DUOX1: variants seen among roughly 807,000 people sequenced by gnomAD.
DUOX1 encodes the protein NADPH thyroid oxidase 1.
In DUOX1, 134 loss-of-function variants were observed where a neutral mutation model predicts 181.8. The observed-to-expected ratio is 0.74, with a 90% CI of 0.64 to 0.85. The LOEUF (loss-of-function observed/expected upper bound fraction) is 0.85, where lower values mean the gene tolerates loss of function less well. Ranked by LOEUF, DUOX1 falls within the 40% of genes least tolerant of loss-of-function variation. The probability of loss-of-function intolerance (pLI) is 0.00; values close to 1 mark genes in which losing one functional copy is unlikely to be tolerated. For missense variants in DUOX1, 1,814 were observed against 2,064.4 expected (o/e 0.88, Z 2.35); for synonymous variants, 798 against 832.5 (o/e 0.96, Z 0.71).
intron 28 of DUOX1, among the ~76,000 whole-genome samples, chr15:45,157,520 CAG>C (rs1435092647): frequency 2.6e-5 from 4 of 152,032 alleles, no homozygotes; most frequent in African/African-American, 9.7e-5. Context: ...GCAGGAAAGT[CAG>C]GGGTTCGAAA....
chr15:45,163,428 G>C (rs1348208295), intron 31 of DUOX1, 104 bp from the exon 32 acceptor site: 11 of 1,513,100 alleles, frequency 7.3e-6, no homozygotes, highest in African/African-American at 1.4e-5. Flanking sequence ...CTAGGGAAGG[G>C]CACAAGCTAG....
chr15:45,153,969 G>C lies in DUOX1; in HGVS notation c.3543G>C (p.Lys1181Asn). 3.1e-6 allele frequency: 5 copies of C among 1,613,282 alleles called. No homozygotes were observed. The highest frequency in any genetic ancestry group is 4.2e-6 in the Non-Finnish European group (5 of 1,179,382). Residue 1181 changes from lysine (K) to asparagine (N), a missense_variant, in exon 27 of 34, where the codon AAG becomes AAC. Transcript: ENST00000389037. ...FHDDGSELPQ[K>N]YYWWFFQTVP... ...CACACAGGTCTGAGCTCCCCCAGAA[G>C]TATTACTGGTGGTTCTTCCAGACCG...
chr15:45,163,990 C>T, intron 33 of DUOX1, 72 bp downstream of exon 33: 2 of 1,567,432 alleles, frequency 1.3e-6, no homozygotes, highest in Non-Finnish European at 8.7e-7. Flanking sequence ...CCAAACCTTC[C>T]CCATCGAGGA....
chr15:45,141,424 G>A lies in DUOX1; in HGVS notation c.1684+14G>A. 6.2e-7 allele frequency: 1 copy of A among 1,613,960 alleles called. No homozygotes were observed. Among genetic ancestry groups the A allele is most frequent in the Non-Finnish European group, 8.5e-7 (1 of 1,179,818 alleles). On this transcript the variant is annotated intron_variant, in intron 14 of 33. Transcript: ENST00000389037. ...TCTGGCATAAAGGTGAGTGGCCAAGGGGTGGCTGGAGGAGTGGTGGGTCTG... is the reference window on the plus strand; with the variant it reads ...TCTGGCATAAAGGTGAGTGGCCAAGAGGTGGCTGGAGGAGTGGTGGGTCTG...
rs879029084 is a variant in DUOX1 at position 45,133,897 on chromosome 15, G to A, written c.92G>A (p.Arg31Gln). 3.1e-6 allele frequency: 5 copies of A among 1,613,942 alleles called. No homozygotes were observed. The highest frequency in any genetic ancestry group is 4.2e-6 in the Non-Finnish European group (5 of 1,179,942). The part of the protein sequence containing the change: ...AQNPISWEVQ[R>Q]FDGWYNNLME... ...AACCCCATTTCGTGGGAGGTGCAGC[G>A]ATTTGATGGGTGGTACAACAACCTC... Residue 31 changes from arginine (R) to glutamine (Q), a missense_variant, in exon 3 of 34, where the codon CGA becomes CAA. Coordinates refer to ENST00000389037, the MANE Select transcript of DUOX1 (RefSeq NM_175940.3).
At chr15:45,138,708 T>A in intron 10 of DUOX1, 2 of 198,948 alleles carry the variant, frequency 1.0e-5, no homozygotes, top group Non-Finnish European at 1.0e-5. Context: ...GGAAGGAAAC[T>A]GAGTTCAGAG....
chr15:45,139,529 C>T lies in DUOX1; in HGVS notation c.1319C>T (p.Ala440Val). The T allele has an allele frequency of 6.2e-7, 1 of 1,613,148 alleles. No individual in the cohort carries two copies. The highest frequency in any genetic ancestry group is 8.5e-7 in the Non-Finnish European group (1 of 1,179,708). Residue 440 changes from alanine (A) to valine (V), a missense_variant, in exon 12 of 34, where the codon GCA becomes GTA. By Grantham distance (64) the Ala-to-Val change is moderately conservative. Around this residue, in one of 5 missense-constraint regions of DUOX1, gnomAD observed 1,064 missense variants for 1,152.9 expected, o/e 0.92. Coordinates refer to ENST00000389037, the MANE Select transcript of DUOX1 (RefSeq NM_175940.3). ...CTGCCCTCTTACACCAAGGCCAGGG[C>T]AGCACTGGGCTTGTCTCCCATTACC... ...LGLPSYTKAR[A>V]ALGLSPITRW...
Position 45,138,026 on chromosome 15 carries a change from G to A in DUOX1, c.1113+12G>A. The stretch of plus-strand genomic sequence containing the variant: ...ACTGGAGCCGTGAGGTCCGAGCTGG[G>A]GGCCACATATGTGGTGGATGTGTGT... On this transcript the variant is annotated intron_variant, in intron 10 of 33. Transcript: ENST00000389037. 3 of 1,599,632 alleles carry A rather than the reference G, an allele frequency of 1.9e-6. No homozygotes were observed. Among genetic ancestry groups the A allele is most frequent in the South Asian group, 1.1e-5 (1 of 89,246 alleles).
intron 12 of DUOX1, 33 bp from the exon 13 acceptor site, chr15:45,140,862 C>G (rs754707001): frequency 6.2e-7 from 1 of 1,608,680 alleles, no homozygotes; most frequent in Non-Finnish European, 8.5e-7. Flanking sequence ...GTGCCGTGTC[C>G]TTTCTCTTAC....
intron 4 of DUOX1, 148 bp downstream of exon 4, chr15:45,134,457 G>T (rs1363251265): frequency 2.5e-6 from 2 of 812,168 alleles, no homozygotes; most frequent in Non-Finnish European, 3.6e-6. Flanking sequence ...TATGGTAGGG[G>T]TAGAAGCAGG....
At chr15:45,140,133 T>C (rs1896453324) in intron 12 of DUOX1, 22 of 1,018,182 alleles carry the variant, frequency 2.2e-5, no homozygotes, top group Non-Finnish European at 2.9e-5. Flanking sequence ...TGAACAGGGG[T>C]CCTGTTCAGC....
chr15:45,150,098 G>A (rs1178420612), intron 21 of DUOX1, among the ~76,000 whole-genome samples: 1 of 152,220 alleles, frequency 6.6e-6, no homozygotes, highest in East Asian at 1.9e-4. Flanking sequence ...TGGCTTTGCA[G>A]CTTAGTCCTG....
In DUOX1 at chr15:45,162,205, G is replaced by A. The variant is rs760437400; in HGVS notation, c.4090-14G>A. ...GTGGCCAAGCTTAACTGAAACCCACGCCCCTCCCTACAGCTGTACCTTGAT... is the reference window on the plus strand; with the variant it reads ...GTGGCCAAGCTTAACTGAAACCCACACCCCTCCCTACAGCTGTACCTTGAT... On this transcript the variant is annotated splice_polypyrimidine_tract_variant and intron_variant, in intron 30 of 33. Transcript: ENST00000389037. The A allele has an allele frequency of 9.4e-6, 15 of 1,593,752 alleles. No individual in the cohort carries two copies. In the African/African-American group the frequency reaches 1.1e-4, roughly 11 times the overall value.
chr15:45,142,252 G>C, intron 15 of DUOX1, 140 bp downstream of exon 15: 1 of 1,028,968 alleles, frequency 9.7e-7, no homozygotes, highest in African/African-American at 1.6e-5. Context: ...CATTAGAGGA[G>C]GAAGGGACAA....
intron 26 of DUOX1, chr15:45,153,709 C>T (rs2141292599): frequency 1.6e-6 from 1 of 640,840 alleles, no homozygotes; most frequent in South Asian, 1.8e-5. Flanking sequence ...TGAAGGGTCC[C>T]ATCTGGAATT....
Position 45,143,232 on chromosome 15 carries a change from G to A in DUOX1, c.1865G>A (p.Arg622Lys). 1 of 1,614,164 alleles carries A rather than the reference G, an allele frequency of 6.2e-7. No homozygotes were observed. The highest frequency in any genetic ancestry group is 8.5e-7 in the Non-Finnish European group (1 of 1,180,016). The change falls in exon 16 of 34, where the codon AGA (arginine) becomes AAA (lysine). Residue 622 changes from arginine (R) to lysine (K), a missense_variant. Arg to Lys is a conservative substitution (Grantham distance 26). Around this residue, in one of 5 missense-constraint regions of DUOX1, gnomAD observed 1,064 missense variants for 1,152.9 expected, o/e 0.92. Coordinates refer to ENST00000389037, the MANE Select transcript of DUOX1 (RefSeq NM_175940.3). ...SAWIVARLRM[R>K]NFKRLQGQDR... ...TGGATTGTTGCCCGGCTCCGGATGA[G>A]AAATTTCAAGAGGCTCCAGGGCCAG...
At chr15:45,157,958 G>A (rs575313049) in intron 28 of DUOX1, among the ~76,000 whole-genome samples, 4 of 152,064 alleles carry the variant, frequency 2.6e-5, no homozygotes, top group Admixed American at 6.6e-5. Flanking sequence ...TGTCCCAGGC[G>A]TGACCACTTG....
At position 45,152,435 on chromosome 15, in the gene DUOX1, A is replaced by G. The variant is rs1192749131; in HGVS notation, c.3343A>G (p.Thr1115Ala). 2.5e-6 allele frequency: 4 copies of G among 1,613,674 alleles called. No homozygotes were observed. The South Asian group carries it at 3.3e-5, about 13-fold the overall frequency. ...CRNLITFLRE[T>A]FLNRYVPFDA... Reference sequence around the variant, plus strand: ...CAACCTCATCACCTTCCTGCGAGAAACCTTCCTCAACCGCTACGTGCCCTT... The same window carrying G: ...CAACCTCATCACCTTCCTGCGAGAAGCCTTCCTCAACCGCTACGTGCCCTT... Residue 1115 changes from threonine to alanine, a missense_variant, in exon 25 of 34, where the codon ACC becomes GCC. Thr to Ala is a moderately conservative substitution (Grantham distance 58). This residue lies in a region of DUOX1 where 1,064 missense variants were observed against 1,152.9 expected (regional missense o/e 0.92). Transcript: ENST00000389037.
At position 45,141,485 on chromosome 15, in the gene DUOX1, A is replaced by G. The variant is rs551756275; in HGVS notation, c.1684+75A>G. The G allele has an allele frequency of 8.0e-5, 118 of 1,472,288 alleles. No individual in the cohort carries two copies. In the African/African-American group the frequency reaches 1.2e-3, roughly 15 times the overall value. 91.2% of individuals were successfully genotyped at this position (1,472,288 alleles called of 1,614,324 possible). A position where few individuals can be genotyped will look rare whatever the true frequency, so the allele number is the denominator to read the frequency against. On this transcript the variant is annotated intron_variant, in intron 14 of 33. Coordinates refer to ENST00000389037, the MANE Select transcript of DUOX1 (RefSeq NM_175940.3). The stretch of plus-strand genomic sequence containing the variant: ...CCTCTTCAGCTCTGGGCTTGGCTCA[A>G]TGTGGCTGAACGTCAATCTCTGTGC...
Sources: allele counts gnomAD v4.1 joint callset (sites outside exome capture counted in the v4.1 genomes callset), GRCh38; gene constraint gnomAD v4.1.1; regional missense constraint gnomAD v4.1.1; transcripts MANE v1.5; gene names NCBI Gene and HGNC (gene_info 2026-07-23, HGNC 2026-07-21).